AGBL1: variants seen among roughly 807,000 people sequenced by gnomAD.
The protein encoded by AGBL1 is cytosolic carboxypeptidase 4.
Under a neutral mutation model 118.9 loss-of-function variants are expected in AGBL1, and 130 were observed. The ratio of observed to expected loss-of-function variants is 1.09; its 90% CI spans 0.95 to 1.26. The LOEUF (loss-of-function observed/expected upper bound fraction) is 1.26. AGBL1 is among the 50% of genes most tolerant of loss of function. The pLI, the probability that AGBL1 is intolerant of heterozygous loss-of-function variation, is 0.00. For missense variants in AGBL1, 1,584 were observed against 1,298.1 expected (o/e 1.22, Z -3.38); for synonymous variants, 555 against 478.9 (o/e 1.16, Z -2.08).
At chr15:86,497,711 T>C (rs894145909) in intron 18 of AGBL1, among the ~76,000 whole-genome samples, 4 of 151,926 alleles carry the variant, frequency 2.6e-5, no homozygotes, top group African/African-American at 9.7e-5. Context: ...TTGTTCCTAA[T>C]GCAGACTTTC....
chr15:86,902,497 CTT>C (rs2080225094), intron 22 of AGBL1, among the ~76,000 whole-genome samples: 1 of 151,972 alleles, frequency 6.6e-6, no homozygotes, highest in African/African-American at 2.4e-5. Context: ...TATTTTTACT[CTT>C]TTGTTGCTTT....
intron 22 of AGBL1, among the ~76,000 whole-genome samples, chr15:86,833,713 C>A (rs2079136440): frequency 6.6e-6 from 1 of 152,160 alleles, no homozygotes; most frequent in African/African-American, 2.4e-5. Context: ...CATCTCAGAA[C>A]AACATCACGA....
At chr15:86,131,393 A>G (rs1472636278) in intron 1 of AGBL1, among the ~76,000 whole-genome samples, 1 of 152,208 alleles carries the variant, frequency 6.6e-6, no homozygotes, top group Non-Finnish European at 1.5e-5. Context: ...TTTTACAGTC[A>G]AAAAGTTTCC....
intron 22 of AGBL1, among the ~76,000 whole-genome samples, chr15:86,859,482 C>CT (rs2079530749): frequency 6.6e-6 from 1 of 152,192 alleles, no homozygotes; most frequent in African/African-American, 2.4e-5. Context: ...CCCTCTTCCC[C>CT]TTAAATCTAT....
intron 1 of AGBL1, among the ~76,000 whole-genome samples, chr15:86,112,350 A>G (rs1897442014): frequency 6.6e-6 from 1 of 151,582 alleles, no homozygotes; most frequent in South Asian, 2.1e-4. Context: ...GTTTATATGC[A>G]TGTTTAAACA....
intron 17 of AGBL1, among the ~76,000 whole-genome samples, chr15:86,389,037 A>G (rs991075190): frequency 6.6e-6 from 1 of 152,214 alleles, no homozygotes; most frequent in African/African-American, 2.4e-5. Flanking sequence ...GAAAATTTTG[A>G]GAAATTAGAA....
At chr15:86,541,918 T>G (rs1183493126) in intron 19 of AGBL1, among the ~76,000 whole-genome samples, 2 of 152,114 alleles carry the variant, frequency 1.3e-5, no homozygotes, top group Non-Finnish European at 2.9e-5. Context: ...ACAAAAGAAT[T>G]ACAAGATTTG....
chr15:86,736,614 C>A (rs2077603555), intron 22 of AGBL1, among the ~76,000 whole-genome samples: 1 of 152,144 alleles, frequency 6.6e-6, no homozygotes, highest in African/African-American at 2.4e-5. Context: ...ACAGCAAATA[C>A]CCTTTTTCAT....
intron 18 of AGBL1, among the ~76,000 whole-genome samples, chr15:86,468,573 T>C (rs2082437398): frequency 6.6e-6 from 1 of 152,226 alleles, no homozygotes; most frequent in Non-Finnish European, 1.5e-5. Flanking sequence ...AATTGTTTGA[T>C]GTGTCTTAAA....
chr15:86,755,355 T>C (rs1596452035), intron 22 of AGBL1, among the ~76,000 whole-genome samples: 2 of 152,150 alleles, frequency 1.3e-5, no homozygotes, highest in Middle Eastern at 6.8e-3. Flanking sequence ...TACAGCTGAG[T>C]AGCGGACAGA....
At chr15:86,142,588 T>G (rs1489002059) in intron 2 of AGBL1, among the ~76,000 whole-genome samples, 1 of 152,246 alleles carries the variant, frequency 6.6e-6, no homozygotes, top group African/African-American at 2.4e-5. Context: ...TTTTTATGTA[T>G]GCTTGCCTCA....
intron 18 of AGBL1, among the ~76,000 whole-genome samples, chr15:86,465,345 T>C (rs2082388617): frequency 6.6e-6 from 1 of 152,170 alleles, no homozygotes; most frequent in Admixed American, 6.6e-5. Context: ...CAGGACCCTG[T>C]GATGATTGCA....
rs539404247 is a variant in AGBL1 at position 86,644,516 on chromosome 15, T to C, written c.2995-29757T>C. Among the ~76,000 whole-genome samples the C allele has an allele frequency of 1.3e-3, 205 of 152,250 alleles. 1 individual carries two copies. Among genetic ancestry groups the C allele is most frequent in the African/African-American group, 4.8e-3 (198 of 41,522 alleles). On this transcript the variant is annotated intron_variant, in intron 21 of 22. Transcript: ENST00000614907. Reference sequence around the variant, plus strand: ...CACAGGTAATTGCTATCCTTAATTCTAACAGCATAGATAAGTTTTGTTTGT... The same window carrying C: ...CACAGGTAATTGCTATCCTTAATTCCAACAGCATAGATAAGTTTTGTTTGT...
intron 22 of AGBL1, among the ~76,000 whole-genome samples, chr15:86,828,592 T>C (rs1051691442): frequency 6.6e-5 from 10 of 152,026 alleles, no homozygotes; most frequent in South Asian, 4.2e-4. Flanking sequence ...AAGTAGAAAG[T>C]AGAAGATCTA....
At chr15:86,705,603 C>A (rs2086435982) in intron 22 of AGBL1, among the ~76,000 whole-genome samples, 1 of 152,066 alleles carries the variant, frequency 6.6e-6, no homozygotes, top group African/African-American at 2.4e-5. Context: ...ATTGAGACTG[C>A]TAGTGGTTAT....
chr15:86,556,177 G>T, intron 21 of AGBL1: 1 of 1,514,992 alleles, frequency 6.6e-7, no homozygotes, highest in Non-Finnish European at 9.1e-7. Flanking sequence ...GTTTGAAAAT[G>T]AAATGACTCA....
At chr15:86,452,616 A>G (rs2082209040) in intron 18 of AGBL1, among the ~76,000 whole-genome samples, 1 of 152,188 alleles carries the variant, frequency 6.6e-6, no homozygotes, top group African/African-American at 2.4e-5. Flanking sequence ...GCACAGAGAA[A>G]GATGGGGCAC....
chr15:86,133,549 A>G (rs2076846388), intron 1 of AGBL1, among the ~76,000 whole-genome samples: 1 of 152,232 alleles, frequency 6.6e-6, no homozygotes, highest in Non-Finnish European at 1.5e-5. Flanking sequence ...CTGTCTATGT[A>G]TTCGTAGCAC....
chr15:86,153,363 G>T (rs2077142227), intron 3 of AGBL1, among the ~76,000 whole-genome samples: 1 of 152,154 alleles, frequency 6.6e-6, no homozygotes, highest in Non-Finnish European at 1.5e-5. Flanking sequence ...CCTTTGCAGG[G>T]ACATGGATGA....
Sources: gnomAD v4.1 joint callset for allele counts (sites outside exome capture counted in the v4.1 genomes callset) on GRCh38, gnomAD v4.1.1 for gene constraint, MANE v1.5 for transcripts, NCBI Gene and HGNC (gene_info 2026-07-23, HGNC 2026-07-21) for gene names.